The following TERF1 variants were observed in gnomAD, a reference collection of about 807,000 sequenced individuals.
TERF1 encodes the protein telomeric repeat-binding factor 1.
In TERF1, 20 loss-of-function variants were observed where a neutral mutation model predicts 55.1. The ratio of observed to expected loss-of-function variants is 0.36; its 90% confidence interval spans 0.26 to 0.53. The LOEUF is 0.53. Ranked by LOEUF, TERF1 falls within the 20% of genes least tolerant of loss-of-function variation. TERF1 has a pLI of 0.91. For missense variants in TERF1, 439 were observed against 535.7 expected (o/e 0.82, Z 1.78); for synonymous variants, 168 against 181.2 (o/e 0.93, Z 0.59).
At chr8:73,026,311 A>G (rs1014495573) in intron 5 of TERF1, among the ~76,000 whole-genome samples, 1 of 152,160 alleles carries the variant, frequency 6.6e-6, no homozygotes, top group Non-Finnish European at 1.5e-5. Flanking sequence ...CAGCCTGGGC[A>G]ACATGGCAAA....
intron 6 of TERF1, among the ~76,000 whole-genome samples, chr8:73,029,740 A>G (rs1446010191): frequency 1.3e-5 from 2 of 152,222 alleles, no homozygotes; most frequent in Non-Finnish European, 2.9e-5. Flanking sequence ...TGGAGGTAGT[A>G]GTCTTGAACA....
intron 1 of TERF1, among the ~76,000 whole-genome samples, chr8:73,013,448 C>G (rs1474406225): frequency 6.6e-6 from 1 of 152,160 alleles, no homozygotes; most frequent in Non-Finnish European, 1.5e-5. Context: ...CTGCCTGACT[C>G]AACATCTGGG....
At chr8:73,027,882 CA>C (rs1809085754) in intron 6 of TERF1, among the ~76,000 whole-genome samples, 1 of 152,150 alleles carries the variant, frequency 6.6e-6, no homozygotes, top group African/African-American at 2.4e-5. Context: ...CTGCATTTGT[CA>C]CATCTTAGGA....
intron 8 of TERF1, among the ~76,000 whole-genome samples, chr8:73,032,913 C>T (rs1179737506): frequency 3.3e-5 from 5 of 151,528 alleles, no homozygotes; most frequent in African/African-American, 1.2e-4. Context: ...TACATGTTCA[C>T]AACGTGCAGG....
intron 8 of TERF1, among the ~76,000 whole-genome samples, chr8:73,037,681 A>AAT (rs1482980832): frequency 1.5e-5 from 1 of 65,936 alleles, no homozygotes; most frequent in Non-Finnish European, 2.8e-5. Flanking sequence ...TATTATATAT[A>AAT]ATATATATTA....
In TERF1 at chr8:73,042,990, A is replaced by C. The variant is rs969267694; in HGVS notation, c.1144-2971A>C. The C allele has an allele frequency of 2.0e-5, 3 of 152,336 alleles. No individual in the cohort carries two copies. In the South Asian group the frequency reaches 6.2e-4, roughly 32 times the overall value. The allele number at this position is 152,336 out of a possible 1,614,324, so 9.4% of individuals were successfully genotyped here. A position where few individuals can be genotyped will look rare whatever the true frequency, so the allele number is the denominator to read the frequency against. Reference sequence around the variant, plus strand: ...TATTACTATCAGTGGAATCTGGTACAATCAGTTAAATGTATAAAATGAGGA... The same window carrying C: ...TATTACTATCAGTGGAATCTGGTACCATCAGTTAAATGTATAAAATGAGGA... On this transcript the variant is annotated intron_variant, in intron 9 of 9. Transcript: ENST00000276603.
chr8:73,043,368 T>C (rs1018395449), intron 9 of TERF1: 1 of 152,024 alleles, frequency 6.6e-6, no homozygotes, highest in African/African-American at 2.4e-5. Flanking sequence ...AAGAAAAAAA[T>C]AAAATACTTA....
At position 73,037,111 on chromosome 8, in the gene TERF1, AC is replaced by A. The variant is rs1478568771; in HGVS notation, c.1040-2001del. Among the ~76,000 whole-genome samples the A allele has an allele frequency of 2.6e-4, 35 of 134,332 alleles. No homozygotes were observed. The South Asian group carries it at 6.7e-3, about 26-fold the overall frequency. The allele number at this position is 134,332 out of a possible 152,430, so 88.1% of individuals were successfully genotyped here. A position where few individuals can be genotyped will look rare whatever the true frequency, so the allele number is the denominator to read the frequency against. On this transcript the variant is annotated intron_variant, in intron 8 of 9. Coordinates refer to ENST00000276603, the MANE Select transcript of TERF1 (RefSeq NM_017489.3). The stretch of plus-strand genomic sequence containing the variant: ...TAATATATATCATATATTATATAAA[AC>A]CCCATATATACTATATAATTAATAA...
intron 1 of TERF1, chr8:73,012,284 A>G (rs56109556): frequency 6.6e-6 from 1 of 152,186 alleles, no homozygotes; most frequent in Non-Finnish European, 1.5e-5. Context: ...AACATCAGAG[A>G]TTATTGATCA....
intron 9 of TERF1, among the ~76,000 whole-genome samples, chr8:73,043,938 C>T (rs141780205): frequency 6.6e-6 from 1 of 152,242 alleles, no homozygotes; most frequent in Non-Finnish European, 1.5e-5. Context: ...AGTTGATAGG[C>T]TCTTTAAAGA....
chr8:73,046,198 G>C lies in TERF1; in HGVS notation c.*61G>C. On this transcript the variant is annotated 3_prime_UTR_variant, in exon 10 of 10. Coordinates refer to ENST00000276603, the MANE Select transcript of TERF1 (RefSeq NM_017489.3). ...GTATTTTGATCACTGCATTTTGTTT[G>C]AAACTTGTGTCATTGATGTAATTTA... 1.2e-5 allele frequency: 16 copies of C among 1,354,002 alleles called. No homozygotes were observed. The highest frequency in any genetic ancestry group is 1.6e-5 in the Non-Finnish European group (16 of 1,016,452). The allele number at this position is 1,354,002 out of a possible 1,614,324, so 83.9% of individuals were successfully genotyped here.
chr8:73,016,874 C>G (rs773273527), intron 2 of TERF1, among the ~76,000 whole-genome samples: 5 of 152,182 alleles, frequency 3.3e-5, no homozygotes, highest in Admixed American at 6.5e-5. Context: ...GTCTCTCTGG[C>G]TGGAGTGCAC....
chr8:73,046,061 G>A lies in TERF1; in HGVS notation c.1244G>A (p.Arg415Gln), dbSNP rs749879752. 2.5e-6 allele frequency: 4 copies of A among 1,610,490 alleles called. No homozygotes were observed. Among genetic ancestry groups the A allele is most frequent in the South Asian group, 1.1e-5 (1 of 90,476 alleles). ...CTGTTGCATTATAAATTCAACAACC[G>A]GACAAGTGTCATGTTAAAAGACAGA... ...KILLHYKFNN[R>Q]TSVMLKDRWR... The change falls in exon 10 of 10, where the codon CGG (arginine) becomes CAG (glutamine). Residue 415 changes from arginine to glutamine, a missense_variant. Transcript: ENST00000276603.
intron 6 of TERF1, among the ~76,000 whole-genome samples, chr8:73,028,060 G>T (rs1809094803): frequency 6.6e-6 from 1 of 152,034 alleles, no homozygotes; most frequent in East Asian, 1.9e-4. Context: ...CATTTTTATT[G>T]GCCCAATTAC....
chr8:73,016,290 T>C (rs550811344), intron 2 of TERF1, among the ~76,000 whole-genome samples: 2 of 136,460 alleles, frequency 1.5e-5, no homozygotes, highest in East Asian at 3.9e-4. Flanking sequence ...GTAGCTACCA[T>C]ATTGGGTTTA....
chr8:73,031,828 G>A, intron 7 of TERF1: 2 of 353,846 alleles, frequency 5.7e-6, no homozygotes, highest in Non-Finnish European at 1.0e-5. Context: ...CTTGATTTCT[G>A]CGGAGTAGAT....
intron 2 of TERF1, among the ~76,000 whole-genome samples, chr8:73,016,379 A>G (rs376052301): frequency 6.6e-6 from 1 of 151,966 alleles, no homozygotes; most frequent in Non-Finnish European, 1.5e-5. Flanking sequence ...TAGCTCTGAA[A>G]TACAGCAGAT....
intron 8 of TERF1, among the ~76,000 whole-genome samples, chr8:73,037,839 TATATA>T (rs1381134208): frequency 4.0e-5 from 4 of 101,254 alleles, no homozygotes; most frequent in African/African-American, 1.5e-4. Context: ...TATAATAATA[TATATA>T]ATATATAATA....
chr8:73,042,185 C>T (rs1809859595), intron 9 of TERF1, among the ~76,000 whole-genome samples: 1 of 152,168 alleles, frequency 6.6e-6, no homozygotes, highest in Non-Finnish European at 1.5e-5. Flanking sequence ...TATAACTGAT[C>T]TTTCCCTATA....
Sources: allele counts gnomAD v4.1 joint callset (sites outside exome capture counted in the v4.1 genomes callset), GRCh38; gene constraint gnomAD v4.1.1; transcripts MANE v1.5; gene names NCBI Gene and HGNC (gene_info 2026-07-23, HGNC 2026-07-21).